The following CNTN5 variants were observed in gnomAD, a reference collection of about 807,000 sequenced individuals.
CNTN5 encodes contactin-5.
In CNTN5, 77 loss-of-function variants were observed where a neutral mutation model predicts 129.1. The ratio of observed to expected loss-of-function variants is 0.60; its 90% CI spans 0.50 to 0.72. CNTN5 has a LOEUF of 0.72. CNTN5 is among the 30% of genes least tolerant of loss of function. The pLI, the probability that CNTN5 is intolerant of heterozygous loss-of-function variation, is 0.00. For synonymous variants in CNTN5, 509 were observed against 465.6 expected (o/e 1.09, Z -1.20); for missense variants, 1,478 against 1,328.8 (o/e 1.11, Z -1.75).
At chr11:99,179,914 A>C (rs1591319535) in intron 1 of CNTN5, among the ~76,000 whole-genome samples, 1 of 152,282 alleles carries the variant, frequency 6.6e-6, no homozygotes, top group East Asian at 1.9e-4. Context: ...CACTATTTTT[A>C]TTCAGTTTGC....
chr11:99,119,328 TTCTC>T (rs1222375120), intron 1 of CNTN5, among the ~76,000 whole-genome samples: 2 of 152,118 alleles, frequency 1.3e-5, no homozygotes, highest in African/African-American at 2.4e-5. Flanking sequence ...ACAGTGTCTG[TTCTC>T]TCTATGTCCA....
intron 1 of CNTN5, among the ~76,000 whole-genome samples, chr11:99,056,778 G>A (rs757959445): frequency 2.6e-5 from 4 of 151,988 alleles, no homozygotes; most frequent in Non-Finnish European, 1.5e-5. Flanking sequence ...TGATAGTAAT[G>A]CCCAGACACT....
intron 24 of CNTN5, 23 bp downstream of exon 24, chr11:100,350,893 T>C: frequency 6.6e-7 from 1 of 1,517,534 alleles, no homozygotes; most frequent in Non-Finnish European, 8.9e-7. Flanking sequence ...ACAGTAGATT[T>C]AATTTGCTGA....
In CNTN5 at chr11:99,791,890, G is replaced by A. The variant is rs540929527; in HGVS notation, c.56-27654G>A. 8.2e-4 allele frequency among the ~76,000 whole-genome samples: 124 copies of A among 152,028 alleles called. 1 individual carries two copies. Among genetic ancestry groups the A allele is most frequent in the Non-Finnish European group, 2.2e-4 (15 of 67,986 alleles). ...TCATAGTAAATGGATTTTTGCTCTT[G>A]TTTTGGCTCTCAGATTGGATCTTGT... On this transcript the variant is annotated intron_variant, in intron 3 of 24. Coordinates refer to ENST00000524871, the MANE Select transcript of CNTN5 (RefSeq NM_014361.4).
intron 3 of CNTN5, among the ~76,000 whole-genome samples, chr11:99,645,603 G>A (rs973906736): frequency 6.6e-5 from 10 of 152,066 alleles, no homozygotes; most frequent in Non-Finnish European, 1.5e-4. Flanking sequence ...ATACACCATG[G>A]AATACTATGC....
chr11:99,792,667 C>G (rs889110021), intron 3 of CNTN5, among the ~76,000 whole-genome samples: 2 of 151,490 alleles, frequency 1.3e-5, no homozygotes, highest in Non-Finnish European at 2.9e-5. Context: ...TACAACTCAA[C>G]CTTTTGGAGT....
intron 1 of CNTN5, among the ~76,000 whole-genome samples, chr11:99,228,094 C>T (rs1483727240): frequency 6.6e-6 from 1 of 151,912 alleles, no homozygotes; most frequent in Admixed American, 6.6e-5. Flanking sequence ...AAGAGAATTA[C>T]GTTATATATT....
intron 4 of CNTN5, among the ~76,000 whole-genome samples, chr11:99,825,296 A>G (rs1464969547): frequency 6.6e-6 from 1 of 151,744 alleles, no homozygotes; most frequent in Non-Finnish European, 1.5e-5. Flanking sequence ...TTTTTGCATC[A>G]TATGCCTATT....
intron 1 of CNTN5, among the ~76,000 whole-genome samples, chr11:99,224,887 A>T (rs1255491123): frequency 6.6e-6 from 1 of 151,924 alleles, no homozygotes; most frequent in Non-Finnish European, 1.5e-5. Context: ...ATTTTGAAAA[A>T]CTGGAAGGTG....
At chr11:99,669,605 T>A (rs1952953378) in intron 3 of CNTN5, among the ~76,000 whole-genome samples, 1 of 152,082 alleles carries the variant, frequency 6.6e-6, no homozygotes, top group African/African-American at 2.4e-5. Context: ...TTTCCCTGTT[T>A]GATATATTTT....
At chr11:99,978,696 T>C (rs1938151199) in intron 8 of CNTN5, among the ~76,000 whole-genome samples, 2 of 152,212 alleles carry the variant, frequency 1.3e-5, no homozygotes, top group African/African-American at 4.8e-5. Flanking sequence ...TAGGTTTTTG[T>C]AAGTGCCCTC....
intron 2 of CNTN5, among the ~76,000 whole-genome samples, chr11:99,395,956 T>C (rs913082602): frequency 6.6e-6 from 1 of 151,966 alleles, no homozygotes; most frequent in African/African-American, 2.4e-5. Context: ...GCCTGCAGTA[T>C]AGTTTGAAGT....
chr11:99,151,728 A>T (rs1213009616), intron 1 of CNTN5, among the ~76,000 whole-genome samples: 1 of 152,204 alleles, frequency 6.6e-6, no homozygotes, highest in Non-Finnish European at 1.5e-5. Flanking sequence ...CAGCCATAAA[A>T]AAGAATGAGT....
At chr11:99,121,684 G>A (rs1414858346) in intron 1 of CNTN5, among the ~76,000 whole-genome samples, 1 of 152,054 alleles carries the variant, frequency 6.6e-6, no homozygotes, top group African/African-American at 2.4e-5. Flanking sequence ...ACTTGCTCGG[G>A]GGCAGCAATG....
intron 1 of CNTN5, among the ~76,000 whole-genome samples, chr11:99,036,378 T>C (rs1863734087): frequency 1.3e-5 from 2 of 152,104 alleles, no homozygotes; most frequent in South Asian, 4.1e-4. Flanking sequence ...ATTCTATTTA[T>C]AGATAATGTT....
intron 6 of CNTN5, among the ~76,000 whole-genome samples, chr11:99,906,623 C>G (rs1301676612): frequency 6.6e-6 from 1 of 152,098 alleles, no homozygotes; most frequent in Non-Finnish European, 1.5e-5. Flanking sequence ...TGTTGTGTCT[C>G]TACCAGGTTT....
At chr11:100,015,693 C>G (rs1348602319) in intron 9 of CNTN5, among the ~76,000 whole-genome samples, 9 of 151,922 alleles carry the variant, frequency 5.9e-5, no homozygotes, top group African/African-American at 2.2e-4. Flanking sequence ...TTTTTCAAGA[C>G]ACTTAATTTT....
intron 1 of CNTN5, among the ~76,000 whole-genome samples, chr11:99,108,004 G>T (rs1009435164): frequency 6.6e-6 from 1 of 150,724 alleles, no homozygotes; most frequent in Non-Finnish European, 1.5e-5. Flanking sequence ...AAGGAATGTG[G>T]TTATATTTAG....
At chr11:99,743,453 C>T (rs1051986067) in intron 3 of CNTN5, among the ~76,000 whole-genome samples, 2 of 152,130 alleles carry the variant, frequency 1.3e-5, no homozygotes, top group Non-Finnish European at 2.9e-5. Flanking sequence ...TTCACTGTCC[C>T]ATAAAAACTG....
Sources: gnomAD v4.1 joint callset for allele counts (sites outside exome capture counted in the v4.1 genomes callset) on GRCh38, gnomAD v4.1.1 for gene constraint, MANE v1.5 for transcripts, NCBI Gene and HGNC (gene_info 2026-07-23, HGNC 2026-07-21) for gene names.